C4orf36: variants seen among roughly 807,000 people sequenced by gnomAD.
C4orf36 encodes chromosome 4 open reading frame 36.
A neutral mutation model predicts 12.2 loss-of-function variants in C4orf36; 11 were observed. That is an observed-to-expected ratio of 0.90 (90% CI 0.57 to 1.49). The LOEUF (loss-of-function observed/expected upper bound fraction) is 1.49, where lower values mean the gene tolerates loss of function less well. Among genes scored for constraint, C4orf36 ranks in the 40% most tolerant of loss-of-function variants. The pLI is 0.00. For missense variants in C4orf36, 137 were observed against 133.9 expected (o/e 1.02, Z -0.11); for synonymous variants, 54 against 51.3 (o/e 1.05, Z -0.22).
At chr4:86,893,027 A>G (rs1747490691), upstream of C4orf36, among the ~76,000 whole-genome samples, 1 of 152,176 alleles carries the variant, frequency 6.6e-6, no homozygotes, top group African/African-American at 2.4e-5. Context: ...CTAAGCATCA[A>G]TTTCTTCATC....
At chr4:86,908,194 C>T in the C4orf36 span, among the ~76,000 whole-genome samples, 68 of 150,712 alleles carry the variant, frequency 4.5e-4, no homozygotes, top group African/African-American at 1.6e-3. Context: ...CACACACACA[C>T]ACACACACAC....
At position 86,884,298 on chromosome 4, in the gene C4orf36, AATTTTTTT is replaced by A. The variant is rs1223648691; in HGVS notation, c.*2+3452_*2+3459del. ...AAATTAGGCAGAAGGAAAAAGACTGAATTTTTTTTTTTTTTTTTTTTTTTGAGACACGT... is the reference window on the plus strand; with the variant it reads ...AAATTAGGCAGAAGGAAAAAGACTGATTTTTTTTTTTTTTTTGAGACACGT... On this transcript the variant is annotated intron_variant, in intron 4 of 4. Transcript: ENST00000295898. 5.7e-4 allele frequency among the ~76,000 whole-genome samples: 71 copies of A among 125,260 alleles called. No individual in the cohort carries two copies. In the Middle Eastern group the frequency reaches 0.023, roughly 41 times the overall value. The allele number at this position is 125,260 out of a possible 152,430, so 82.2% of individuals were successfully genotyped here.
chr4:86,894,770 G>A (rs116762114), upstream of C4orf36, among the ~76,000 whole-genome samples: 6 of 152,154 alleles, frequency 3.9e-5, no homozygotes, highest in African/African-American at 7.2e-5. Context: ...CACCCTAGGA[G>A]AGACTGGCTG....
At chr4:86,883,909 G>A (rs1015642514) in intron 4 of C4orf36, among the ~76,000 whole-genome samples, 5 of 151,920 alleles carry the variant, frequency 3.3e-5, no homozygotes, top group African/African-American at 1.2e-4. Context: ...CATGCCTGTA[G>A]TCCCAGCCAC....
At chr4:86,917,968 G>A in the C4orf36 span, among the ~76,000 whole-genome samples, 9 of 152,212 alleles carry the variant, frequency 5.9e-5, no homozygotes, top group South Asian at 4.1e-4. Flanking sequence ...GGGACCATCC[G>A]TCATTGACCA....
the C4orf36 span, chr4:86,914,156 A>T: frequency 1.3e-6 from 2 of 1,595,858 alleles, no homozygotes; most frequent in Non-Finnish European, 1.7e-6. Context: ...CACTTCCCAC[A>T]GCAAATTTGT....
chr4:86,882,406 GTTAAGGA>G (rs1429294723), intron 4 of C4orf36, among the ~76,000 whole-genome samples: 1 of 152,132 alleles, frequency 6.6e-6, no homozygotes, highest in East Asian at 1.9e-4. Context: ...GGCCCACAAG[GTTAAGGA>G]AATAAAAATT....
chr4:86,935,527 C>G, the C4orf36 span: 1 of 152,360 alleles, frequency 6.6e-6, no homozygotes, highest in Non-Finnish European at 1.5e-5. Context: ...TCACGCGCAG[C>G]CCCCAAGTCA....
the C4orf36 span, chr4:86,913,456 A>C: frequency 5.2e-6 from 4 of 762,136 alleles, no homozygotes; most frequent in Non-Finnish European, 7.2e-6. Context: ...CATGTTGCAA[A>C]AGCATTCATG....
intron 2 of C4orf36, among the ~76,000 whole-genome samples, chr4:86,889,113 G>A (rs994906644): frequency 1.5e-4 from 23 of 152,064 alleles, no homozygotes; most frequent in Admixed American, 9.8e-4. Context: ...ACTTTGGGAG[G>A]CTGAGGTGGG....
At chr4:86,903,378 G>A in the C4orf36 span, among the ~76,000 whole-genome samples, 7 of 152,288 alleles carry the variant, frequency 4.6e-5, no homozygotes, top group South Asian at 2.1e-4. Flanking sequence ...GGGTGTGGTG[G>A]TGCACACCTG....
At chr4:86,895,347 A>G (rs1747568051), upstream of C4orf36, among the ~76,000 whole-genome samples, 1 of 152,214 alleles carries the variant, frequency 6.6e-6, no homozygotes, top group South Asian at 2.1e-4. Context: ...TCCTCATTTT[A>G]AGCTACCAAC....
chr4:86,927,967 T>A, the C4orf36 span, among the ~76,000 whole-genome samples: 1 of 152,164 alleles, frequency 6.6e-6, no homozygotes, highest in African/African-American at 2.4e-5. Context: ...TGACTCAGAA[T>A]GGTGATGGAA....
chr4:86,909,485 A>G, the C4orf36 span, among the ~76,000 whole-genome samples: 12 of 152,224 alleles, frequency 7.9e-5, no homozygotes, highest in African/African-American at 2.9e-4. Context: ...TACAGTGACC[A>G]CAGGCGCAAC....
the C4orf36 span, among the ~76,000 whole-genome samples, chr4:86,897,532 ACTCC>A: frequency 1.3e-5 from 2 of 151,778 alleles, no homozygotes; most frequent in African/African-American, 2.4e-5. Context: ...TATCCACAAA[ACTCC>A]CATTGTATCC....
chr4:86,891,701 G>C (rs183106285), intron 1 of C4orf36, 108 bp from the exon 2 acceptor site: 88 of 1,036,352 alleles, frequency 8.5e-5, no homozygotes, highest in Admixed American at 6.4e-5. Context: ...AGTGTTCATT[G>C]AACTGGAACC....
chr4:86,913,733 C>G, the C4orf36 span: 1 of 1,574,202 alleles, frequency 6.4e-7, no homozygotes, highest in Non-Finnish European at 8.7e-7. Flanking sequence ...CCCTGTGGAC[C>G]CAGCCACCAG....
At chr4:86,884,518 T>C (rs1258733623) in intron 4 of C4orf36, among the ~76,000 whole-genome samples, 2 of 152,014 alleles carry the variant, frequency 1.3e-5, no homozygotes, top group Admixed American at 1.3e-4. Context: ...TTGCCCAGGC[T>C]GGTCCCAAAC....
intron 4 of C4orf36, among the ~76,000 whole-genome samples, chr4:86,879,017 A>T (rs1578772772): frequency 6.6e-6 from 1 of 152,240 alleles, no homozygotes; most frequent in South Asian, 2.1e-4. Context: ...CCTCCCCTGC[A>T]TGAAGCCAAT....
Sources: gnomAD v4.1 joint callset for allele counts (sites outside exome capture counted in the v4.1 genomes callset) on GRCh38, gnomAD v4.1.1 for gene constraint, MANE v1.5 for transcripts, NCBI Gene and HGNC (gene_info 2026-07-23, HGNC 2026-07-21) for gene names.